The following DCHS2 variants were observed in gnomAD, a reference collection of about 807,000 sequenced individuals.
DCHS2 encodes the protein protocadherin-23.
In DCHS2, 142 loss-of-function variants were observed where a neutral mutation model predicts 182.4. That is an observed-to-expected ratio of 0.78 (90% CI 0.68 to 0.89). DCHS2 has a LOEUF of 0.89. Among genes scored for constraint, DCHS2 ranks in the 40% least tolerant of loss-of-function variants. The pLI is 0.00. For synonymous variants in DCHS2, 1,740 were observed against 1,663.3 expected, an observed-to-expected ratio of 1.05 and a Z score of -1.12; for missense variants, 4,319 against 4,198.6, an observed-to-expected ratio of 1.03 and a Z score of -0.79.
chr4:154,303,611 C>T (rs2111296880), intron 12 of DCHS2, among the ~76,000 whole-genome samples: 1 of 151,670 alleles, frequency 6.6e-6, no homozygotes, highest in African/African-American at 2.4e-5. Flanking sequence ...TAATGCAATG[C>T]TGTTGGATAT....
intron 13 of DCHS2, among the ~76,000 whole-genome samples, chr4:154,292,915 C>T (rs1323382250): frequency 6.6e-6 from 1 of 152,180 alleles, no homozygotes; most frequent in Admixed American, 6.5e-5. Context: ...TGGTTGACCG[C>T]CCCGTTTCTT....
At chr4:154,308,262 A>G (rs981386949) in intron 10 of DCHS2, among the ~76,000 whole-genome samples, 1 of 151,990 alleles carries the variant, frequency 6.6e-6, no homozygotes, top group African/African-American at 2.4e-5. Context: ...TTAAAAAAAA[A>G]AAACAAAAAA....
chr4:154,359,481 GTTA>G (rs762095561), intron 3 of DCHS2, among the ~76,000 whole-genome samples: 32 of 151,894 alleles, frequency 2.1e-4, no homozygotes, highest in African/African-American at 3.1e-4. Flanking sequence ...CCATGAAATA[GTTA>G]GCAACAAAAA....
intron 7 of DCHS2, among the ~76,000 whole-genome samples, chr4:154,325,316 C>CATGT (rs555546818): frequency 0.022 from 3,151 of 142,714 alleles, 51 homozygotes; most frequent in South Asian, 0.048. Context: ...GGATTATAGC[C>CATGT]GTGTGTGTGT....
chr4:154,320,427 T>C lies in DCHS2; in HGVS notation c.4972A>G (p.Ile1658Val), dbSNP rs1403467512. The change falls in exon 9 of 20, where the codon ATC (isoleucine) becomes GTC (valine). Residue 1658 changes from isoleucine to valine, a missense_variant. Physicochemically the swap from Ile to Val is conservative, Grantham distance 29 (BLOSUM62 3). Coordinates refer to ENST00000357232, the MANE Select transcript of DCHS2 (RefSeq NM_001358235.2). Reference sequence around the variant, plus strand: ...GTCATGTTTTCATTTCCTGAGAGGATGCTGTATGTTACTTTTCCATTCCTT... The same window carrying C: ...GTCATGTTTTCATTTCCTGAGAGGACGCTGTATGTTACTTTTCCATTCCTT... ...EGRNGKVTYS[I>V]LSGNENMTFM... 2 of 1,613,976 alleles carry C rather than the reference T, an allele frequency of 1.2e-6. No individual in the cohort carries two copies. The highest frequency in any genetic ancestry group is 1.7e-5 in the Admixed American group (1 of 59,974).
Position 154,438,606 on chromosome 4 carries a change from A to G in DCHS2, c.2052+50698T>C, listed in dbSNP as rs148617663. Among the ~76,000 whole-genome samples, 926 of 152,232 alleles carry G rather than the reference A, an allele frequency of 6.1e-3. 8 individuals are homozygous for G. Among genetic ancestry groups the G allele is most frequent in the African/African-American group, 0.021 (862 of 41,538 alleles). ...GCTAACATCGGTAAACTTATATTGAATCATTCAATTCACGAACATGTTACA... is the reference window on the plus strand; with the variant it reads ...GCTAACATCGGTAAACTTATATTGAGTCATTCAATTCACGAACATGTTACA... On this transcript the variant is annotated intron_variant, in intron 1 of 19. Transcript: ENST00000357232.
intron 1 of DCHS2, among the ~76,000 whole-genome samples, chr4:154,456,347 A>C (rs145252092): frequency 3.7e-4 from 56 of 152,348 alleles, no homozygotes; most frequent in African/African-American, 1.3e-3. Flanking sequence ...TATCATCAAC[A>C]GTGCAGTAGC....
Position 154,255,630 on chromosome 4 carries a change from A to T in DCHS2, c.6830T>A (p.Ile2277Asn), listed in dbSNP as rs149072622. ...TDLDSGLNGL[I>N]EYSILSGNQE... ...GTTGCCAGACAGAATAGAATACTCA[A>T]TCAGGCCGTTCAAACCACTGTCCAA... The change falls in exon 16 of 20, where the codon ATT (isoleucine) becomes AAT (asparagine). Residue 2277 changes from isoleucine to asparagine, a missense_variant. By Grantham distance (149) the Ile-to-Asn change is moderately radical (BLOSUM62 -3). Transcript: ENST00000357232. 1.8e-5 allele frequency: 29 copies of T among 1,613,994 alleles called. No individual in the cohort carries two copies. The African/African-American group carries it at 3.9e-4, about 22-fold the overall frequency.
At chr4:154,430,209 G>GT (rs1560753628) in intron 1 of DCHS2, among the ~76,000 whole-genome samples, 4 of 152,122 alleles carry the variant, frequency 2.6e-5, no homozygotes, top group African/African-American at 7.2e-5. Context: ...TCTAAAACCT[G>GT]TTGTCATGTC....
Position 154,491,196 on chromosome 4 carries a change from C to T in DCHS2, c.160G>A (p.Val54Met), listed in dbSNP as rs1001329800. The change falls in exon 1 of 20, where the codon GTG becomes ATG. Residue 54 changes from valine (V) to methionine (M), a missense_variant. By Grantham distance (21) the Val-to-Met change is conservative. Coordinates refer to ENST00000357232, the MANE Select transcript of DCHS2 (RefSeq NM_001358235.2). ...GAGCCCGAGGCCGCCCACAGCCACA[C>T]GTGCACCAAGAGCCAGAGCAGGGAG... ...QRSLLWLLVH[V>M]WLWAASGSSA... The T allele has an allele frequency of 4.5e-6, 7 of 1,551,356 alleles. No individual in the cohort carries two copies. Among genetic ancestry groups the T allele is most frequent in the African/African-American group, 1.4e-5 (1 of 73,044 alleles).
intron 1 of DCHS2, among the ~76,000 whole-genome samples, chr4:154,484,366 T>C (rs1728502568): frequency 7.6e-6 from 1 of 132,128 alleles, no homozygotes; most frequent in South Asian, 2.6e-4. Context: ...TTTTCACATG[T>C]CAATCTCTAT....
At chr4:154,271,155 GA>G (rs1202831462) in intron 13 of DCHS2, among the ~76,000 whole-genome samples, 2 of 152,104 alleles carry the variant, frequency 1.3e-5, no homozygotes, top group East Asian at 3.9e-4. Context: ...CAGGAGTGGG[GA>G]ATAAATTTAA....
At chr4:154,386,925 C>G (rs1449246971) in intron 1 of DCHS2, among the ~76,000 whole-genome samples, 1 of 152,086 alleles carries the variant, frequency 6.6e-6, no homozygotes, top group South Asian at 2.1e-4. Flanking sequence ...ACAATAAGAT[C>G]CATAATACTT....
chr4:154,324,436 T>G (rs1477098057), intron 7 of DCHS2, among the ~76,000 whole-genome samples: 1 of 152,162 alleles, frequency 6.6e-6, no homozygotes, highest in Non-Finnish European at 1.5e-5. Flanking sequence ...GGAGAACATA[T>G]TTGGGACATT....
chr4:154,410,654 A>C (rs1447401453), intron 1 of DCHS2, among the ~76,000 whole-genome samples: 1 of 151,488 alleles, frequency 6.6e-6, no homozygotes, highest in Non-Finnish European at 1.5e-5. Flanking sequence ...AGACATTCAC[A>C]TTATAAGAGT....
At chr4:154,467,505 A>G (rs942767863) in intron 1 of DCHS2, among the ~76,000 whole-genome samples, 1 of 152,188 alleles carries the variant, frequency 6.6e-6, no homozygotes, top group Admixed American at 6.5e-5. Flanking sequence ...TAAAATTGCT[A>G]AAATAATGAA....
intron 2 of DCHS2, among the ~76,000 whole-genome samples, chr4:154,369,411 G>T (rs1394554548): frequency 6.6e-6 from 1 of 152,178 alleles, no homozygotes; most frequent in Admixed American, 6.5e-5. Flanking sequence ...TGGGAAACCA[G>T]TTTCCCACAG....
At chr4:154,395,626 TTTGTAA>T (rs1731898102) in intron 1 of DCHS2, among the ~76,000 whole-genome samples, 1 of 152,200 alleles carries the variant, frequency 6.6e-6, no homozygotes, top group Non-Finnish European at 1.5e-5. Flanking sequence ...CCAAATTCTA[TTTGTAA>T]AACTGAGAAT....
chr4:154,326,197 G>A (rs1462595552), intron 7 of DCHS2, among the ~76,000 whole-genome samples: 1 of 152,176 alleles, frequency 6.6e-6, no homozygotes, highest in African/African-American at 2.4e-5. Flanking sequence ...TCACAACAAG[G>A]AGTCTGGGCA....
Sources: allele counts gnomAD v4.1 joint callset (sites outside exome capture counted in the v4.1 genomes callset), GRCh38; gene constraint gnomAD v4.1.1; transcripts MANE v1.5; gene names NCBI Gene and HGNC (gene_info 2026-07-23, HGNC 2026-07-21).